The following DPP10 variants were observed in gnomAD, a reference collection of about 807,000 sequenced individuals.
DPP10 encodes dipeptidyl peptidase like 10.
A neutral mutation model predicts 120.9 loss-of-function variants in DPP10; 33 were observed. That is an observed-to-expected ratio of 0.27 (90% CI 0.21 to 0.37). DPP10 has a LOEUF of 0.37. Among genes scored for constraint, DPP10 ranks in the 10% least tolerant of loss-of-function variants. DPP10 has a pLI of 1.00. For missense variants in DPP10, 816 were observed against 942.8 expected, an observed-to-expected ratio of 0.87 and a Z score of 1.76; for synonymous variants, 337 against 326.1, an observed-to-expected ratio of 1.03 and a Z score of -0.36.
At chr2:115,711,088 A>G (rs939568950) in intron 7 of DPP10, among the ~76,000 whole-genome samples, 1 of 152,162 alleles carries the variant, frequency 6.6e-6, no homozygotes, top group African/African-American at 2.4e-5. Context: ...ACTTTGGGCA[A>G]AACTGAAATT....
At chr2:114,516,844 G>A (rs946519007) in intron 1 of DPP10, among the ~76,000 whole-genome samples, 4 of 152,082 alleles carry the variant, frequency 2.6e-5, no homozygotes, top group Non-Finnish European at 4.4e-5. Context: ...TTTATGAACC[G>A]AACTACTGGT....
rs193003251 is a variant in DPP10 at position 115,533,823 on chromosome 2, C to T, written c.441+7851C>T. On this transcript the variant is annotated intron_variant, in intron 5 of 25. Transcript: ENST00000410059. ...TGCCCATAGAATACTCACCTTTCCT[C>T]GTTTGTAGTTGCTGCTGCTGAACTG... 1.3e-3 allele frequency among the ~76,000 whole-genome samples: 194 copies of T among 152,126 alleles called. 1 individual carries two copies. The highest frequency in any genetic ancestry group is 4.5e-3 in the African/African-American group (189 of 41,544).
chr2:115,661,680 A>G (rs771915668), intron 5 of DPP10, among the ~76,000 whole-genome samples: 1 of 152,180 alleles, frequency 6.6e-6, no homozygotes, highest in Non-Finnish European at 1.5e-5. Context: ...AGTTCTCCCA[A>G]TAAATTTATC....
chr2:114,552,029 T>C (rs1687924005), intron 1 of DPP10, among the ~76,000 whole-genome samples: 1 of 152,186 alleles, frequency 6.6e-6, no homozygotes, highest in Admixed American at 6.5e-5. Flanking sequence ...GCAGAAAGCC[T>C]TGTGTATGTC....
chr2:114,991,326 G>C (rs1415505803), intron 1 of DPP10, among the ~76,000 whole-genome samples: 4 of 152,170 alleles, frequency 2.6e-5, no homozygotes, highest in Admixed American at 6.5e-5. Flanking sequence ...ATCCACACCA[G>C]TAGTGTAAGG....
At position 114,985,880 on chromosome 2, in the gene DPP10, A is replaced by T. The variant is rs1700362883; in HGVS notation, c.61-323359A>T. On this transcript the variant is annotated intron_variant, in intron 1 of 25. Transcript: ENST00000410059. The stretch of plus-strand genomic sequence containing the variant: ...TTGGTAATTTTCAAATTTAATCATT[A>T]TACGAGCATAATTAAAATATAGGTG... 2.6e-5 allele frequency among the ~76,000 whole-genome samples: 4 copies of T among 152,360 alleles called. No homozygotes were observed. In the South Asian group the frequency reaches 8.3e-4, roughly 32 times the overall value.
chr2:114,789,137 C>T (rs927635626), intron 1 of DPP10, among the ~76,000 whole-genome samples: 3 of 151,740 alleles, frequency 2.0e-5, no homozygotes, highest in African/African-American at 7.3e-5. Flanking sequence ...TGGGTTAAGG[C>T]GTTAAGACAT....
At chr2:115,012,631 G>T (rs1375019387) in intron 1 of DPP10, among the ~76,000 whole-genome samples, 2 of 152,198 alleles carry the variant, frequency 1.3e-5, no homozygotes, top group Admixed American at 6.5e-5. Flanking sequence ...CCTAGGGGAA[G>T]AGGGAGAACA....
At chr2:114,887,784 A>T (rs1350879068) in intron 1 of DPP10, among the ~76,000 whole-genome samples, 1 of 152,214 alleles carries the variant, frequency 6.6e-6, no homozygotes, top group Non-Finnish European at 1.5e-5. Context: ...CATGGGACAT[A>T]CTAATGGCCT....
chr2:115,706,401 T>C (rs1218836468), intron 7 of DPP10, among the ~76,000 whole-genome samples: 1 of 151,962 alleles, frequency 6.6e-6, no homozygotes, highest in Non-Finnish European at 1.5e-5. Flanking sequence ...TAACATAATA[T>C]TAAATATTAA....
At chr2:114,492,403 T>G (rs1485387939) in intron 1 of DPP10, among the ~76,000 whole-genome samples, 1 of 152,140 alleles carries the variant, frequency 6.6e-6, no homozygotes, top group Non-Finnish European at 1.5e-5. Flanking sequence ...TTAATTTTCT[T>G]TTGATTGAAT....
At chr2:114,669,867 A>G (rs561400947) in intron 1 of DPP10, among the ~76,000 whole-genome samples, 2 of 152,258 alleles carry the variant, frequency 1.3e-5, no homozygotes, top group Admixed American at 6.6e-5. Context: ...ACCCCATTTA[A>G]TGTCTGCAAA....
intron 1 of DPP10, among the ~76,000 whole-genome samples, chr2:115,127,737 A>G (rs921088819): frequency 6.6e-6 from 1 of 152,158 alleles, no homozygotes; most frequent in Non-Finnish European, 1.5e-5. Context: ...TACTATACAC[A>G]TTTATATTTA....
intron 1 of DPP10, among the ~76,000 whole-genome samples, chr2:114,505,864 A>G (rs1298546658): frequency 6.6e-6 from 1 of 152,196 alleles, no homozygotes; most frequent in Non-Finnish European, 1.5e-5. Context: ...TTATCATTTC[A>G]TTGTGACGAG....
chr2:115,364,625 CT>C (rs34256845), intron 3 of DPP10, among the ~76,000 whole-genome samples: 1,977 of 136,488 alleles, frequency 0.014, 16 homozygotes, highest in African/African-American at 0.035. Context: ...TCCCAGACAT[CT>C]TTTTTTTTTT....
chr2:115,426,370 C>T (rs865810), intron 3 of DPP10, among the ~76,000 whole-genome samples: 1 of 122,086 alleles, frequency 8.2e-6, no homozygotes. Flanking sequence ...CAACATGAGA[C>T]TCTCACCAGG....
chr2:114,474,982 C>T (rs1306758996), intron 1 of DPP10, among the ~76,000 whole-genome samples: 1 of 152,212 alleles, frequency 6.6e-6, no homozygotes, highest in Non-Finnish European at 1.5e-5. Flanking sequence ...GGCTTCTGTG[C>T]ATCAGCTATT....
intron 3 of DPP10, among the ~76,000 whole-genome samples, chr2:115,392,071 A>T (rs951313938): frequency 1.3e-5 from 2 of 152,156 alleles, no homozygotes; most frequent in South Asian, 2.1e-4. Flanking sequence ...GTTGGTTCTT[A>T]TGGTCATTAA....
intron 1 of DPP10, among the ~76,000 whole-genome samples, chr2:114,923,291 C>T (rs1364429283): frequency 6.6e-6 from 1 of 150,558 alleles, no homozygotes; most frequent in Non-Finnish European, 1.5e-5. Flanking sequence ...TCAAGCGATT[C>T]TCATGCCTCA....
Sources: gnomAD v4.1 joint callset for allele counts (sites outside exome capture counted in the v4.1 genomes callset) on GRCh38, gnomAD v4.1.1 for gene constraint, MANE v1.5 for transcripts, NCBI Gene and HGNC (gene_info 2026-07-23, HGNC 2026-07-21) for gene names.